ANK3: variants seen among roughly 807,000 people sequenced by gnomAD.
The protein encoded by ANK3 is ankyrin-3.
In ANK3, 57 loss-of-function variants were observed where a neutral mutation model predicts 370.9. The ratio of observed to expected loss-of-function variants is 0.15; its 90% confidence interval spans 0.12 to 0.19. The LOEUF (loss-of-function observed/expected upper bound fraction) is 0.19. Ranked by LOEUF, ANK3 falls within the 10% of genes least tolerant of loss-of-function variation. The pLI is 1.00. For missense variants in ANK3, 4,439 were observed against 5,302.1 expected (o/e 0.84, Z 5.06); for synonymous variants, 1,929 against 1,946.3 (o/e 0.99, Z 0.23).
chr10:60,733,326 G>A (rs1377716383), exon 1 of ANK3: 5 of 1,233,934 alleles, frequency 4.1e-6, no homozygotes, highest in African/African-American at 1.6e-5. Context: ...CCATGTTGTG[G>A]GGCTGCTGCT....
intron 1 of ANK3, among the ~76,000 whole-genome samples, chr10:60,364,840 T>C (rs1024516334): frequency 6.6e-6 from 1 of 151,758 alleles, no homozygotes; most frequent in Non-Finnish European, 1.5e-5. Context: ...AAGAACTGTA[T>C]GTTTTAAACA....
intron 35 of ANK3, 72 bp from the exon 36 acceptor site, chr10:60,080,690 G>T: frequency 1.7e-6 from 2 of 1,181,600 alleles, no homozygotes; most frequent in East Asian, 5.0e-5. Flanking sequence ...AAGACATTTT[G>T]TAGGATGGCA....
intron 2 of ANK3, among the ~76,000 whole-genome samples, chr10:60,514,939 ATAAC>A (rs1483461182): frequency 1.3e-5 from 2 of 152,172 alleles, no homozygotes; most frequent in Non-Finnish European, 2.9e-5. Flanking sequence ...TCTTTGGTTG[ATAAC>A]TAACTAGATC....
At chr10:60,326,404 C>T (rs1325137545) in intron 1 of ANK3, among the ~76,000 whole-genome samples, 1 of 152,142 alleles carries the variant, frequency 6.6e-6, no homozygotes, top group Non-Finnish European at 1.5e-5. Context: ...TGATGATTGC[C>T]TCTAACAATT....
intron 1 of ANK3, among the ~76,000 whole-genome samples, chr10:60,296,279 T>C (rs1380145687): frequency 1.3e-5 from 2 of 152,266 alleles, no homozygotes; most frequent in African/African-American, 2.4e-5. Context: ...CCACTTAAGG[T>C]CCTTAGAAAT....
chr10:60,160,404 T>C (rs1305668290), intron 23 of ANK3, among the ~76,000 whole-genome samples: 4 of 152,024 alleles, frequency 2.6e-5, no homozygotes, highest in Non-Finnish European at 5.9e-5. Flanking sequence ...AAGATATAAG[T>C]AGTAATAAAA....
Position 60,389,518 on chromosome 10 carries a change from T to C in ANK3, c.21A>G (p.Gln7=). The C allele has an allele frequency of 1.2e-6, 2 of 1,613,980 alleles. No individual in the cohort carries two copies. The highest frequency in any genetic ancestry group is 1.7e-6 in the Non-Finnish European group (2 of 1,179,952). Residue 7 remains glutamine (Q), a synonymous_variant, in exon 1 of 44, where the codon CAA becomes CAG. Coordinates refer to ENST00000280772, the MANE Select transcript of ANK3 (RefSeq NM_020987.5). ...TTTCTAAATCCCTGTTTTTCTTTAA[T>C]TGTGAGGCTGCATGAGCCATAATGC... MAHAAS[Q]LKKNRDLEIN...
chr10:60,044,326 G>T, intron 42 of ANK3: 1 of 983,834 alleles, frequency 1.0e-6, no homozygotes, highest in Non-Finnish European at 1.2e-6. Flanking sequence ...AGATTCACCA[G>T]GAATGTTTTT....
chr10:60,139,274 T>C (rs2094470181), intron 23 of ANK3, 187 bp from the exon 24 acceptor site: 1 of 572,268 alleles, frequency 1.7e-6, no homozygotes. Context: ...AGTACACAAT[T>C]TCAAGAGTGA....
At chr10:60,173,263 T>C (rs913924604) in intron 18 of ANK3, 77 bp from the exon 19 acceptor site, 2 of 1,164,072 alleles carry the variant, frequency 1.7e-6, no homozygotes, top group African/African-American at 1.6e-5. Context: ...AGAAGCAAAA[T>C]CATTATTTAA....
At chr10:60,051,970 A>G (rs1314728912) in intron 42 of ANK3, among the ~76,000 whole-genome samples, 1 of 152,202 alleles carries the variant, frequency 6.6e-6, no homozygotes, top group African/African-American at 2.4e-5. Flanking sequence ...GCCATATTTC[A>G]TTTGATCTAC....
chr10:60,647,425 T>C (rs2078723377), intron 1 of ANK3, among the ~76,000 whole-genome samples: 1 of 152,214 alleles, frequency 6.6e-6, no homozygotes, highest in African/African-American at 2.4e-5. Flanking sequence ...GGCTATTGCT[T>C]GAATTTTCTT....
rs529449660 is a variant in ANK3, at chr10:60,568,477, A to C, written c.96+46709T>G. On this transcript the variant is annotated intron_variant, in intron 2 of 43. Coordinates refer to the ANK3 transcript ENST00000373827. ...CTTTTATATGCACTGGGAAACCAAA[A>C]AATGTGCATGACTTGCTTAGTTGTG... Among the ~76,000 whole-genome samples, 65 of 152,344 alleles carry C rather than the reference A, an allele frequency of 4.3e-4. 2 individuals are homozygous for C. The South Asian group carries it at 0.012, about 29-fold the overall frequency.
intron 1 of ANK3, among the ~76,000 whole-genome samples, chr10:60,311,139 G>A (rs1347528677): frequency 6.6e-6 from 1 of 152,152 alleles, no homozygotes; most frequent in East Asian, 1.9e-4. Context: ...AAAGACTTGT[G>A]GAAGTGTCCC....
Position 60,068,623 on chromosome 10 carries a change from G to C in ANK3, c.12244+14C>G. The C allele has an allele frequency of 6.3e-7, 1 of 1,584,640 alleles. No homozygotes were observed. The highest frequency in any genetic ancestry group is 8.6e-7 in the Non-Finnish European group (1 of 1,165,742). ...AGCAGAGTGCTCGAGAGACCTGACT[G>C]CCTTCATTCTCACCAGTCCTTCTAC... On this transcript the variant is annotated intron_variant, in intron 37 of 43. Coordinates refer to ENST00000280772, the MANE Select transcript of ANK3 (RefSeq NM_020987.5).
chr10:60,453,022 G>A (rs2064650897), intron 2 of ANK3, among the ~76,000 whole-genome samples: 1 of 152,226 alleles, frequency 6.6e-6, no homozygotes, highest in African/African-American at 2.4e-5. Flanking sequence ...AACTCTGCAA[G>A]TCCAATTTGT....
chr10:60,157,885 AAAGAGAGAGAGAG>A (rs2095385194), intron 23 of ANK3, among the ~76,000 whole-genome samples: 1 of 91,300 alleles, frequency 1.1e-5, no homozygotes, highest in Non-Finnish European at 2.2e-5. Flanking sequence ...AGAGAGAGAA[AAAGAGAGAGAGAG>A]AGAGAGAGAG....
chr10:60,663,135 G>A (rs1353633210), intron 1 of ANK3, among the ~76,000 whole-genome samples: 1 of 152,176 alleles, frequency 6.6e-6, no homozygotes, highest in Non-Finnish European at 1.5e-5. Context: ...GCTATGCAAA[G>A]AACACACATT....
At chr10:60,711,038 C>A (rs2079697392) in intron 1 of ANK3, among the ~76,000 whole-genome samples, 1 of 152,200 alleles carries the variant, frequency 6.6e-6, no homozygotes, top group Non-Finnish European at 1.5e-5. Flanking sequence ...AACACTCTGA[C>A]AAACACATCC....
Sources: allele counts gnomAD v4.1 joint callset (sites outside exome capture counted in the v4.1 genomes callset), GRCh38; gene constraint gnomAD v4.1.1; transcripts MANE v1.5; gene names NCBI Gene and HGNC (gene_info 2026-07-23, HGNC 2026-07-21).